The following RNF212B variants were observed in gnomAD, a reference collection of about 807,000 sequenced individuals.
RNF212B encodes the protein ring finger protein 212B, also known as E3 ubiquitin-protein ligase RNF212B.
Under a neutral mutation model 55.5 loss-of-function variants are expected in RNF212B, and 52 were observed. The observed-to-expected ratio is 0.94, with a 90% CI of 0.75 to 1.18. The LOEUF (loss-of-function observed/expected upper bound fraction) is 1.18, where lower values mean the gene tolerates loss of function less well. Ranked by LOEUF, RNF212B falls within the 50% of genes most tolerant of loss-of-function variation. The pLI is 0.00. For missense variants in RNF212B, 289 were observed against 350.4 expected, an observed-to-expected ratio of 0.82 and a Z score of 1.40; for synonymous variants, 99 against 121.4, an observed-to-expected ratio of 0.82 and a Z score of 1.21.
At chr14:23,216,068 AC>A (rs34447558) in intron 2 of RNF212B, among the ~76,000 whole-genome samples, 97,315 of 151,620 alleles carry the variant, frequency 0.64, 31,382 homozygotes, top group Admixed American at 0.71. Flanking sequence ...ACACGGTGAA[AC>A]CCCCATCTCT....
intron 4 of RNF212B, among the ~76,000 whole-genome samples, chr14:23,251,814 C>CAA (rs71119011): frequency 4.4e-5 from 6 of 136,424 alleles, no homozygotes; most frequent in Non-Finnish European, 4.8e-5. Context: ...GACTCTGTCT[C>CAA]AAAAAAAAAA....
intron 4 of RNF212B, among the ~76,000 whole-genome samples, chr14:23,257,885 T>A (rs1177121781): frequency 6.6e-6 from 1 of 152,188 alleles, no homozygotes; most frequent in Admixed American, 6.5e-5. Context: ...CAAGGCTGTG[T>A]AATAGCTATG....
At chr14:23,260,013 T>C (rs1885179798) in intron 6 of RNF212B, 69 bp downstream of exon 6, 1 of 734,148 alleles carries the variant, frequency 1.4e-6, no homozygotes, top group African/African-American at 1.8e-5. Context: ...GCTGACTGTA[T>C]AGAATAGTGT....
chr14:23,197,481 C>T (rs901969097), intron 2 of RNF212B, among the ~76,000 whole-genome samples: 2 of 152,200 alleles, frequency 1.3e-5, no homozygotes, highest in Non-Finnish European at 2.9e-5. Context: ...GAGCTGAGAT[C>T]ATGCCACTGC....
intron 8 of RNF212B, 43 bp downstream of exon 8, chr14:23,262,754 TC>T: frequency 6.6e-7 from 1 of 1,525,690 alleles, no homozygotes; most frequent in Non-Finnish European, 8.9e-7. Context: ...GAGATGAATA[TC>T]CTTTCCTTAT....
At chr14:23,201,155 G>A (rs920170960) in intron 2 of RNF212B, among the ~76,000 whole-genome samples, 1 of 152,138 alleles carries the variant, frequency 6.6e-6, no homozygotes, top group Non-Finnish European at 1.5e-5. Flanking sequence ...TGATATTCAT[G>A]AACATTTTAG....
At chr14:23,198,011 G>A (rs942813610) in intron 2 of RNF212B, among the ~76,000 whole-genome samples, 7 of 152,198 alleles carry the variant, frequency 4.6e-5, no homozygotes, top group African/African-American at 1.2e-4. Flanking sequence ...AGTTAGGGTG[G>A]GGCAGGAACA....
chr14:23,254,202 T>A (rs71413975), intron 4 of RNF212B, among the ~76,000 whole-genome samples: 1 of 151,590 alleles, frequency 6.6e-6, no homozygotes, highest in African/African-American at 2.4e-5. Context: ...GGAGGATCAC[T>A]TGAGTCCAGG....
chr14:23,196,082 T>G (rs1305518990), intron 2 of RNF212B, among the ~76,000 whole-genome samples: 1 of 152,220 alleles, frequency 6.6e-6, no homozygotes. Flanking sequence ...GGTCACATCC[T>G]CAATTGCTGC....
chr14:23,232,086 G>A (rs939208487), intron 2 of RNF212B, among the ~76,000 whole-genome samples: 7 of 151,802 alleles, frequency 4.6e-5, no homozygotes, highest in East Asian at 1.9e-4. Flanking sequence ...TGTGAGGAGC[G>A]TCTCTGCCTG....
At chr14:23,236,129 A>G (rs1883072100), upstream of RNF212B, among the ~76,000 whole-genome samples, 1 of 152,256 alleles carries the variant, frequency 6.6e-6, no homozygotes, top group Non-Finnish European at 1.5e-5. Flanking sequence ...CTATTAAGCT[A>G]CATAGCAAGA....
chr14:23,237,105 C>T (rs1238798053), upstream of RNF212B, among the ~76,000 whole-genome samples: 12 of 150,194 alleles, frequency 8.0e-5, no homozygotes, highest in African/African-American at 2.7e-4. Context: ...GCTGGGACTA[C>T]GGGCACCCGC....
chr14:23,222,968 C>T (rs1405041587), intron 2 of RNF212B, among the ~76,000 whole-genome samples: 1 of 149,886 alleles, frequency 6.7e-6, no homozygotes, highest in Non-Finnish European at 1.5e-5. Flanking sequence ...GCAGGAGAAT[C>T]GCTTGAACCT....
chr14:23,230,367 A>T (rs1269236756), intron 2 of RNF212B, among the ~76,000 whole-genome samples: 2 of 152,082 alleles, frequency 1.3e-5, no homozygotes, highest in African/African-American at 4.8e-5. Flanking sequence ...TTAAAAAGCC[A>T]TTGCCGGCCG....
intron 1 of RNF212B, among the ~76,000 whole-genome samples, chr14:23,189,538 C>T (rs1877912712): frequency 6.6e-6 from 1 of 152,072 alleles, no homozygotes; most frequent in South Asian, 2.1e-4. Flanking sequence ...CTGGGTGGCT[C>T]ACGTCTATAA....
At chr14:23,263,209 A>G (rs1885430088) in intron 9 of RNF212B, among the ~76,000 whole-genome samples, 2 of 152,204 alleles carry the variant, frequency 1.3e-5, no homozygotes, top group African/African-American at 4.8e-5. Context: ...TCCCTTCTTC[A>G]ATGGATTACC....
At position 23,243,707 on chromosome 14, in the gene RNF212B, AAAAAAAAAAAAAGC is replaced by A. The variant is rs1336491558; in HGVS notation, c.153+402_153+415del. Among the ~76,000 whole-genome samples, 76 of 139,880 alleles carry A rather than the reference AAAAAAAAAAAAAGC, an allele frequency of 5.4e-4. 1 individual carries two copies. The South Asian group carries it at 7.6e-3, about 14-fold the overall frequency. 91.8% of individuals were successfully genotyped at this position (139,880 alleles called of 152,430 possible). Reference sequence around the variant, plus strand: ...AAGACTCTGTCTCAAAAAAAAAAAAAAAAAAAAAAAAAGCAAGCAAGCAAGCAAGCAAGCAAGCA... The same window carrying A: ...AAGACTCTGTCTCAAAAAAAAAAAAAAAGCAAGCAAGCAAGCAAGCAAGCA... On this transcript the variant is annotated intron_variant, in intron 3 of 14. Transcript: ENST00000430154.
chr14:23,234,324 A>C (rs540976456), upstream of RNF212B, among the ~76,000 whole-genome samples: 4 of 146,458 alleles, frequency 2.7e-5, no homozygotes, highest in African/African-American at 1.0e-4. Flanking sequence ...GTACATGCAA[A>C]AAGTTTTTTT....
chr14:23,246,427 G>A (rs1168640900), intron 4 of RNF212B, among the ~76,000 whole-genome samples: 1 of 152,096 alleles, frequency 6.6e-6, no homozygotes, highest in Non-Finnish European at 1.5e-5. Context: ...AACTGTTGAT[G>A]TAGAAATCTA....
Sources: allele counts gnomAD v4.1 joint callset (sites outside exome capture counted in the v4.1 genomes callset), GRCh38; gene constraint gnomAD v4.1.1; transcripts MANE v1.5; gene names NCBI Gene and HGNC (gene_info 2026-07-23, HGNC 2026-07-21).